The following EYS variants were observed in gnomAD, a reference collection of about 807,000 sequenced individuals.
EYS encodes EGF-like photoreceptor maintenance factor.
EYS carries 250 observed loss-of-function variants against 282.1 expected under a neutral mutation model. The observed-to-expected ratio is 0.89, with a 90% CI of 0.80 to 0.98. The LOEUF (loss-of-function observed/expected upper bound fraction) is 0.98. EYS is among the 50% of genes least tolerant of loss of function. The probability of loss-of-function intolerance (pLI) is 0.00; values close to 1 mark genes in which losing one functional copy is unlikely to be tolerated. For missense variants in EYS, 4,016 were observed against 3,709.0 expected (o/e 1.08, Z -2.15); for synonymous variants, 1,355 against 1,282.9 (o/e 1.06, Z -1.20).
At chr6:65,205,159 TA>T (rs1186167411) in intron 12 of EYS, among the ~76,000 whole-genome samples, 3 of 149,322 alleles carry the variant, frequency 2.0e-5, no homozygotes, top group East Asian at 2.0e-4. Flanking sequence ...AGAGAACCTA[TA>T]GGGGGTCTAA....
chr6:64,453,449 C>A (rs189840133), intron 26 of EYS, among the ~76,000 whole-genome samples: 1 of 152,112 alleles, frequency 6.6e-6, no homozygotes, highest in Non-Finnish European at 1.5e-5. Context: ...GTCAGTGTGG[C>A]GATTCCTCAG....
At chr6:65,655,665 G>T (rs1024669934) in intron 1 of EYS, among the ~76,000 whole-genome samples, 1 of 151,610 alleles carries the variant, frequency 6.6e-6, no homozygotes, top group Non-Finnish European at 1.5e-5. Context: ...TTATTTGTTT[G>T]TTTGTTTTTT....
intron 26 of EYS, among the ~76,000 whole-genome samples, chr6:64,505,591 T>C (rs1287554806): frequency 6.6e-6 from 1 of 152,178 alleles, no homozygotes; most frequent in Non-Finnish European, 1.5e-5. Flanking sequence ...ATTCTCCTTG[T>C]TATGTCCACT....
At chr6:63,863,238 T>G (rs138984359) in intron 36 of EYS, among the ~76,000 whole-genome samples, 3 of 152,050 alleles carry the variant, frequency 2.0e-5, no homozygotes, top group East Asian at 3.9e-4. Flanking sequence ...ATACCAATTT[T>G]TATTATTTCT....
At chr6:64,363,555 G>T (rs1454224372) in intron 29 of EYS, among the ~76,000 whole-genome samples, 1 of 145,102 alleles carries the variant, frequency 6.9e-6, no homozygotes, top group East Asian at 2.0e-4. Context: ...AATAGTAACA[G>T]ATTCTGCCGC....
At chr6:64,984,536 T>TA (rs1272775267) in intron 14 of EYS, among the ~76,000 whole-genome samples, 2 of 151,498 alleles carry the variant, frequency 1.3e-5, no homozygotes, top group African/African-American at 4.8e-5. Flanking sequence ...ATGTAAAAAT[T>TA]AAAAAAGGAA....
chr6:65,394,944 C>A (rs1216698497), intron 7 of EYS, among the ~76,000 whole-genome samples: 1 of 152,178 alleles, frequency 6.6e-6, no homozygotes, highest in South Asian at 2.1e-4. Flanking sequence ...AACCATGCTA[C>A]CCATATCTTC....
At chr6:65,201,617 GTTCA>G (rs140392929) in intron 12 of EYS, among the ~76,000 whole-genome samples, 4,969 of 152,056 alleles carry the variant, frequency 0.033, 106 homozygotes, top group African/African-American at 0.058. Flanking sequence ...TACATAATTT[GTTCA>G]TTTAGTGTGA....
At chr6:64,012,154 T>C (rs1321645509) in intron 33 of EYS, among the ~76,000 whole-genome samples, 1 of 152,202 alleles carries the variant, frequency 6.6e-6, no homozygotes, top group Non-Finnish European at 1.5e-5. Flanking sequence ...ATTAATAACT[T>C]GAATTTCTGA....
chr6:65,339,378 C>T (rs888543367), intron 10 of EYS, among the ~76,000 whole-genome samples: 13 of 151,016 alleles, frequency 8.6e-5, no homozygotes, highest in Admixed American at 2.0e-4. Context: ...TCAGTCACCA[C>T]GGTTCAAAAA....
At chr6:65,083,930 GAT>G (rs1311198938) in intron 12 of EYS, among the ~76,000 whole-genome samples, 1 of 151,216 alleles carries the variant, frequency 6.6e-6, no homozygotes, top group Non-Finnish European at 1.5e-5. Flanking sequence ...ATATTTCTCA[GAT>G]ATAAATGTTC....
intron 12 of EYS, among the ~76,000 whole-genome samples, chr6:65,118,410 T>A (rs2150193939): frequency 6.6e-6 from 1 of 152,360 alleles, no homozygotes; most frequent in African/African-American, 2.4e-5. Context: ...CTTCTCTTGT[T>A]AATTATGTCT....
chr6:65,052,682 T>C (rs1388327594), intron 13 of EYS, among the ~76,000 whole-genome samples: 2 of 151,634 alleles, frequency 1.3e-5, no homozygotes, highest in Non-Finnish European at 3.0e-5. Context: ...AAAACTCATT[T>C]TTACATATTA....
chr6:65,501,867 A>C (rs138610631), intron 2 of EYS, among the ~76,000 whole-genome samples: 1 of 151,866 alleles, frequency 6.6e-6, no homozygotes, highest in African/African-American at 2.4e-5. Flanking sequence ...ATTATTAAAC[A>C]GAAATGGATG....
chr6:64,292,702 T>C (rs1234273642), intron 30 of EYS, among the ~76,000 whole-genome samples: 1 of 152,094 alleles, frequency 6.6e-6, no homozygotes, highest in Non-Finnish European at 1.5e-5. Flanking sequence ...GTTAGTTGCT[T>C]TTTGGAAAAA....
At chr6:65,687,879 T>C (rs190904218) in intron 1 of EYS, among the ~76,000 whole-genome samples, 101 of 152,188 alleles carry the variant, frequency 6.6e-4, no homozygotes, top group Admixed American at 1.8e-3. Flanking sequence ...TTACAAGGGA[T>C]GTGAAGGACC....
In EYS at chr6:64,252,780, G is replaced by T. The variant is rs1767264393; in HGVS notation, c.6192-21956C>A. Among the ~76,000 whole-genome samples the T allele has an allele frequency of 2.6e-5, 4 of 152,158 alleles. No individual in the cohort carries two copies. In the South Asian group the frequency reaches 8.3e-4, roughly 31 times the overall value. ...CACTCCTCTAGTACAAGTTAGACAA[G>T]TCGTATATATTTAGGCCCCTGTACT... On this transcript the variant is annotated intron_variant, in intron 30 of 42. Coordinates refer to ENST00000503581, the MANE Select transcript of EYS (RefSeq NM_001142800.2).
intron 12 of EYS, among the ~76,000 whole-genome samples, chr6:65,214,701 A>C (rs891908521): frequency 2.6e-5 from 4 of 152,232 alleles, no homozygotes; most frequent in Non-Finnish European, 5.9e-5. Flanking sequence ...TAAGATTTTC[A>C]CAGCTATGGA....
In EYS at chr6:63,757,719, G is replaced by C. The variant is rs184396272; in HGVS notation, c.8071+4742C>G. Among the ~76,000 whole-genome samples, 837 of 152,154 alleles carry C rather than the reference G, an allele frequency of 5.5e-3. 5 individuals are homozygous for C. Among genetic ancestry groups the C allele is most frequent in the Non-Finnish European group, 8.5e-3 (579 of 68,016 alleles). ...TATTTCTCAGAACAACTGACACTTA[G>C]GGAAAATAGAAAGAACCTACGTTGA... is the stretch of plus-strand genomic sequence containing the variant. On this transcript the variant is annotated intron_variant, in intron 41 of 42. Coordinates refer to ENST00000503581, the MANE Select transcript of EYS (RefSeq NM_001142800.2).
Sources: allele counts gnomAD v4.1 joint callset (sites outside exome capture counted in the v4.1 genomes callset), GRCh38; gene constraint gnomAD v4.1.1; transcripts MANE v1.5; gene names NCBI Gene and HGNC (gene_info 2026-07-23, HGNC 2026-07-21).